The following PTPRM variants were observed in gnomAD, a reference collection of about 807,000 sequenced individuals.
PTPRM encodes protein tyrosine phosphatase receptor type M.
Under a neutral mutation model 186.7 loss-of-function variants are expected in PTPRM, and 47 were observed. That is an observed-to-expected ratio of 0.25 (90% CI 0.20 to 0.32). PTPRM has a LOEUF of 0.32. Among genes scored for constraint, PTPRM ranks in the 10% least tolerant of loss-of-function variants. The pLI is 1.00. For synonymous variants in PTPRM, 668 were observed against 674.9 expected (o/e 0.99, Z 0.16); for missense variants, 1,494 against 1,865.0 (o/e 0.80, Z 3.66).
intron 23 of PTPRM, among the ~76,000 whole-genome samples, chr18:8,361,438 A>C (rs1255267106): frequency 1.3e-5 from 2 of 152,206 alleles, no homozygotes; most frequent in Admixed American, 1.3e-4. Context: ...TGGGTAAGTC[A>C]ATGTGGTGAG....
intron 1 of PTPRM, among the ~76,000 whole-genome samples, chr18:7,650,218 G>T (rs2038665095): frequency 6.6e-6 from 1 of 152,002 alleles, no homozygotes; most frequent in African/African-American, 2.4e-5. Context: ...ATCTTCAAGG[G>T]GCCCTGGAAC....
intron 1 of PTPRM, among the ~76,000 whole-genome samples, chr18:7,696,695 C>G (rs1223461282): frequency 6.6e-6 from 1 of 152,244 alleles, no homozygotes; most frequent in East Asian, 1.9e-4. Context: ...AACAGGTACA[C>G]TGAACCACTC....
chr18:8,353,630 G>A (rs981312524), intron 23 of PTPRM, among the ~76,000 whole-genome samples: 1 of 152,072 alleles, frequency 6.6e-6, no homozygotes, highest in Non-Finnish European at 1.5e-5. Flanking sequence ...CCAAGAATGG[G>A]TATCTCTTTC....
intron 2 of PTPRM, among the ~76,000 whole-genome samples, chr18:7,876,890 A>G (rs2048271531): frequency 6.6e-6 from 1 of 152,184 alleles, no homozygotes; most frequent in African/African-American, 2.4e-5. Context: ...CCTGAGGTTC[A>G]TATTCTGTCT....
At chr18:7,772,381 T>TTC (rs1386336263) in intron 1 of PTPRM, among the ~76,000 whole-genome samples, 1 of 144,026 alleles carries the variant, frequency 6.9e-6, no homozygotes, top group African/African-American at 2.6e-5. Flanking sequence ...CTTTCTTTCT[T>TTC]TCTTTCTTTC....
rs575794167 is a variant in PTPRM, at chr18:8,140,474, A to G, written c.2168-3173A>G. Among the ~76,000 whole-genome samples the G allele has an allele frequency of 1.3e-4, 20 of 148,946 alleles. 1 individual carries two copies. The highest frequency in any genetic ancestry group is 9.8e-4 in the East Asian group (5 of 5,114). The stretch of plus-strand genomic sequence containing the variant: ...TTGTTTGTTTGTTTGTTTGTTTTAC[A>G]TACTAGATGTTATAACTGAAATCTT... On this transcript the variant is annotated intron_variant, in intron 13 of 32. Transcript: ENST00000580170.
chr18:7,976,524 G>A (rs2054954192), intron 7 of PTPRM, among the ~76,000 whole-genome samples: 1 of 152,198 alleles, frequency 6.6e-6, no homozygotes, highest in African/African-American at 2.4e-5. Flanking sequence ...AGGCTTGAGG[G>A]CAGGGGATTG....
chr18:8,385,526 A>G lies in PTPRM; in HGVS notation c.4044+840A>G, dbSNP rs187126540. ...GGAGGCAGCTTTCCAGGCAGAAGGA[A>G]GGGTCAGTGCAGAGGCCCCAAGGCA... is the stretch of plus-strand genomic sequence containing the variant. On this transcript the variant is annotated intron_variant, in intron 30 of 32. Transcript: ENST00000580170. Among the ~76,000 whole-genome samples the G allele has an allele frequency of 1.8e-3, 274 of 152,240 alleles. 2 individuals carry two copies. The highest frequency in any genetic ancestry group is 1.9e-3 in the Non-Finnish European group (126 of 68,006).
rs186664620 is a variant in PTPRM, at chr18:8,041,395, A to C, written c.1133-28291A>C. 1.2e-3 allele frequency among the ~76,000 whole-genome samples: 185 copies of C among 152,086 alleles called. 1 individual carries two copies. The highest frequency in any genetic ancestry group is 4.2e-3 in the African/African-American group (173 of 41,496). ...ACACTTGACATTTGGTGGGGCTTTG[A>C]AGTTAATTAAGGCATCATTAAAGGC... On this transcript the variant is annotated intron_variant, in intron 7 of 32. Coordinates refer to ENST00000580170, the MANE Select transcript of PTPRM (RefSeq NM_001105244.2).
intron 7 of PTPRM, among the ~76,000 whole-genome samples, chr18:7,974,467 C>A (rs996047883): frequency 6.6e-6 from 1 of 152,180 alleles, no homozygotes; most frequent in Non-Finnish European, 1.5e-5. Flanking sequence ...ACAGGAGCAT[C>A]ACAAATAAAT....
intron 7 of PTPRM, among the ~76,000 whole-genome samples, chr18:7,986,290 A>G (rs1652500366): frequency 6.6e-6 from 1 of 152,186 alleles, no homozygotes; most frequent in Admixed American, 6.5e-5. Flanking sequence ...AATGTGTTTC[A>G]TTTTCTCAGG....
chr18:8,103,974 A>C (rs2091406428), intron 11 of PTPRM, among the ~76,000 whole-genome samples: 2 of 151,454 alleles, frequency 1.3e-5, no homozygotes, highest in South Asian at 4.3e-4. Context: ...AGGGAGGCCC[A>C]GTGCCAGGGA....
At chr18:7,845,625 T>A (rs542392391) in intron 2 of PTPRM, among the ~76,000 whole-genome samples, 1 of 152,350 alleles carries the variant, frequency 6.6e-6, no homozygotes, top group South Asian at 2.1e-4. Context: ...GATTTCTCCT[T>A]TTCACATTTA....
intron 7 of PTPRM, among the ~76,000 whole-genome samples, chr18:7,993,086 A>G (rs2083346865): frequency 2.0e-5 from 3 of 151,944 alleles, no homozygotes; most frequent in Admixed American, 2.0e-4. Context: ...ATGAAATAAC[A>G]ATACAGTTGA....
intron 7 of PTPRM, among the ~76,000 whole-genome samples, chr18:8,048,158 T>C (rs140290082): frequency 4.6e-5 from 7 of 151,876 alleles, no homozygotes; most frequent in Non-Finnish European, 1.0e-4. Flanking sequence ...GGTGGGAAAA[T>C]GGAGTTGATC....
chr18:7,714,734 A>C (rs533755399), intron 1 of PTPRM, among the ~76,000 whole-genome samples: 97 of 152,286 alleles, frequency 6.4e-4, no homozygotes, highest in Middle Eastern at 6.8e-3. Flanking sequence ...GAATACTGTA[A>C]ACACCTCTAC....
At chr18:8,211,337 A>G (rs1161046595) in intron 14 of PTPRM, among the ~76,000 whole-genome samples, 1 of 149,044 alleles carries the variant, frequency 6.7e-6, no homozygotes. Flanking sequence ...GAAGGTGGAG[A>G]ACCTTGGGGA....
At chr18:7,652,868 C>G (rs1276462952) in intron 1 of PTPRM, among the ~76,000 whole-genome samples, 2 of 151,894 alleles carry the variant, frequency 1.3e-5, no homozygotes, top group African/African-American at 4.8e-5. Context: ...CTAACCTGCA[C>G]ATTGTGCACA....
At chr18:8,080,239 T>A (rs978696492) in intron 9 of PTPRM, among the ~76,000 whole-genome samples, 8 of 152,204 alleles carry the variant, frequency 5.3e-5, no homozygotes, top group Non-Finnish European at 1.0e-4. Context: ...TCTAGAAGTT[T>A]ATTAGTAATA....
Sources: allele counts gnomAD v4.1 joint callset (sites outside exome capture counted in the v4.1 genomes callset), GRCh38; gene constraint gnomAD v4.1.1; transcripts MANE v1.5; gene names NCBI Gene and HGNC (gene_info 2026-07-23, HGNC 2026-07-21).